NF1: variants seen among roughly 807,000 people sequenced by gnomAD.
NF1 encodes neurofibromin.
Under a neutral mutation model 325.7 loss-of-function variants are expected in NF1, and 122 were observed. The ratio of observed to expected loss-of-function variants is 0.37; its 90% CI spans 0.32 to 0.44. The LOEUF is 0.44. Ranked by LOEUF, NF1 falls within the 20% of genes least tolerant of loss-of-function variation. NF1 has a pLI of 1.00. For missense variants in NF1, 2,140 were observed against 3,415.4 expected (o/e 0.63, Z 9.31); for synonymous variants, 1,091 against 1,186.0 (o/e 0.92, Z 1.65).
intron 36 of NF1, among the ~76,000 whole-genome samples, chr17:31,269,665 A>G (rs1400307159): frequency 6.6e-6 from 1 of 152,032 alleles, no homozygotes; most frequent in Non-Finnish European, 1.5e-5. Context: ...TCTTAACTCT[A>G]CTTTCTTTGT....
rs17881462 is a variant in NF1, at chr17:31,327,120, C to T, written c.5269-379C>T. ...AGTAGCTGGGATTATAGGCGCCCAC[C>T]GCCACGGCAGGCTAGTTTTTGTAGG... On this transcript the variant is annotated intron_variant, in intron 37 of 57. Coordinates refer to ENST00000358273, the MANE Select transcript of NF1 (RefSeq NM_001042492.3). 7.9e-3 allele frequency among the ~76,000 whole-genome samples: 1,194 copies of T among 152,014 alleles called. 21 individuals are homozygous for T. The highest frequency in any genetic ancestry group is 0.028 in the African/African-American group (1,142 of 41,436).
At chr17:31,320,566 A>G (rs1467841414) in intron 36 of NF1, 23 of 692,558 alleles carry the variant, frequency 3.3e-5, no homozygotes, top group African/African-American at 5.4e-5. Context: ...GAGTTATGCA[A>G]ACAAAAGTAG....
At chr17:31,344,215 C>G (rs1449800846) in intron 48 of NF1, among the ~76,000 whole-genome samples, 1 of 152,160 alleles carries the variant, frequency 6.6e-6, no homozygotes, top group Admixed American at 6.5e-5. Context: ...TTCTGGCACC[C>G]TATTCTCACC....
rs556902245 is a variant in NF1 at position 31,197,827 on chromosome 17, C to A, written c.889-2595C>A. On this transcript the variant is annotated intron_variant, in intron 8 of 57. Transcript: ENST00000358273. ...TGCCTACTTGCTCTGTCCGGAATTTCTAGTATTATGCCAAATAGAAGAAGA... is the reference window on the plus strand; with the variant it reads ...TGCCTACTTGCTCTGTCCGGAATTTATAGTATTATGCCAAATAGAAGAAGA... Among the ~76,000 whole-genome samples the A allele has an allele frequency of 4.6e-5, 7 of 152,294 alleles. No individual in the cohort carries two copies. In the South Asian group the frequency reaches 6.2e-4, roughly 14 times the overall value.
intron 8 of NF1, among the ~76,000 whole-genome samples, chr17:31,185,186 C>A (rs764704831): frequency 4.2e-4 from 64 of 152,164 alleles, no homozygotes; most frequent in Non-Finnish European, 8.4e-4. Context: ...TCAGAAGCCA[C>A]CCCCAACACC....
chr17:31,335,296 A>ATATATATATAT (rs1440930498), intron 40 of NF1, among the ~76,000 whole-genome samples: 2 of 50,094 alleles, frequency 4.0e-5, no homozygotes, highest in African/African-American at 1.4e-4. Context: ...ATATATATAT[A>ATATATATATAT]ATTATGCCTT....
chr17:31,336,428 T>C lies in NF1; in HGVS notation c.6102T>C (p.Thr2034=), dbSNP rs1597842306. The change falls in exon 41 of 58, where the codon ACT becomes ACC. Residue 2034 remains threonine (T), a synonymous_variant. Coordinates refer to ENST00000358273, the MANE Select transcript of NF1 (RefSeq NM_001042492.3). This position sits in a 1 kb window ranked among gnomAD's most constrained non-coding sequence, Gnocchi z 5.5. ...GSIKAEVMAD[T]AVALASGNVK... is the part of the protein sequence containing the mutation. ...TAAAAGCTGAGGTGATGGCAGATACTGCTGTAGCTTTGGCTTCTGGAAATG... is the reference window on the plus strand; with the variant it reads ...TAAAAGCTGAGGTGATGGCAGATACCGCTGTAGCTTTGGCTTCTGGAAATG... 1 of 1,614,182 alleles carries C rather than the reference T, an allele frequency of 6.2e-7. No individual in the cohort carries two copies. The highest frequency in any genetic ancestry group is 8.5e-7 in the Non-Finnish European group (1 of 1,180,028).
chr17:31,123,318 TTA>T (rs1455415339), intron 1 of NF1, among the ~76,000 whole-genome samples: 2 of 152,216 alleles, frequency 1.3e-5, no homozygotes, highest in African/African-American at 4.8e-5. Context: ...ACAACCATAT[TTA>T]TATATATGGT....
At position 31,206,222 on chromosome 17, in the gene NF1, G is replaced by A. The variant is rs2143913110; in HGVS notation, c.1261-18G>A. 5.0e-6 allele frequency: 8 copies of A among 1,613,266 alleles called. No individual in the cohort carries two copies. The highest frequency in any genetic ancestry group is 6.8e-6 in the Non-Finnish European group (8 of 1,179,392). On this transcript the variant is annotated intron_variant, in intron 11 of 57. Coordinates refer to ENST00000358273, the MANE Select transcript of NF1 (RefSeq NM_001042492.3). ...AATTTTGTACTTTTTCTTCCTATTG[G>A]TCTTTGTTTTTCTCTAGTCCGCATT...
intron 1 of NF1, 75 bp from the exon 2 acceptor site, chr17:31,155,908 C>G (rs2143623518): frequency 6.5e-7 from 1 of 1,530,102 alleles, no homozygotes; most frequent in Non-Finnish European, 8.9e-7. Context: ...TCATGATTTT[C>G]AATGGCAAGT....
intron 5 of NF1, among the ~76,000 whole-genome samples, chr17:31,171,042 G>A (rs530911823): frequency 2.6e-5 from 4 of 152,170 alleles, no homozygotes; most frequent in Admixed American, 2.6e-4. Context: ...ACGTGTTTTT[G>A]TTTTCTTAAT....
chr17:31,114,820 C>T (rs192515613), intron 1 of NF1, among the ~76,000 whole-genome samples: 1 of 152,282 alleles, frequency 6.6e-6, no homozygotes, highest in Admixed American at 6.5e-5. Flanking sequence ...CACCACTGCA[C>T]TCCAGCCTGG....
intron 36 of NF1, among the ~76,000 whole-genome samples, chr17:31,278,829 G>C (rs918949296): frequency 6.6e-6 from 1 of 151,934 alleles, no homozygotes; most frequent in Admixed American, 6.6e-5. Flanking sequence ...TGGCCAGGCT[G>C]GTCTGGAACT....
Position 31,327,562 on chromosome 17 carries a change from T to C in NF1, c.5332T>C (p.Phe1778Leu). 1 of 1,614,214 alleles carries C rather than the reference T, an allele frequency of 6.2e-7. No homozygotes were observed. The highest frequency in any genetic ancestry group is 8.5e-7 in the Non-Finnish European group (1 of 1,180,040). The change falls in exon 38 of 58, where the codon TTT becomes CTT. Residue 1778 changes from phenylalanine to leucine, a missense_variant. Physicochemically the swap from Phe to Leu is conservative, Grantham distance 22. Coordinates refer to ENST00000358273, the MANE Select transcript of NF1 (RefSeq NM_001042492.3). ...ERTKVLGQSV[F>L]LNDIYYASEI... ...AACAAAAGTCCTAGGGCAATCAGTC[T>C]TTCTAAATGACATTTATTATGCTTC...
At chr17:31,182,978 A>G in intron 8 of NF1, 1 of 574,640 alleles carries the variant, frequency 1.7e-6, no homozygotes, top group South Asian at 2.5e-5. Context: ...CACTACAAGG[A>G]TTGCCCTACT....
chr17:31,127,936 A>G (rs995968958), intron 1 of NF1, among the ~76,000 whole-genome samples: 13 of 151,502 alleles, frequency 8.6e-5, no homozygotes, highest in Admixed American at 1.3e-4. Flanking sequence ...TTTTTTGTAC[A>G]TTGACCTCTT....
At chr17:31,107,067 C>T (rs1264500076) in intron 1 of NF1, among the ~76,000 whole-genome samples, 1 of 151,974 alleles carries the variant, frequency 6.6e-6, no homozygotes, top group African/African-American at 2.4e-5. Context: ...TTCAGTTTTT[C>T]TTTTTCCCTA....
intron 37 of NF1, among the ~76,000 whole-genome samples, chr17:31,326,637 G>A (rs1286239939): frequency 6.6e-6 from 1 of 151,968 alleles, no homozygotes; most frequent in Non-Finnish European, 1.5e-5. Context: ...ACAGAGGGAC[G>A]CTCTGTCTCA....
Position 31,095,043 on chromosome 17 carries a change from G to A in NF1, c.-267G>A. ...GCTGTGGGGAGACGGCGCTAGTGGG[G>A]AGAGCGACCAAGAGGCCCCCTCCCC... On this transcript the variant is annotated 5_prime_UTR_variant, in exon 1 of 58. Coordinates refer to ENST00000358273, the MANE Select transcript of NF1 (RefSeq NM_001042492.3). The A allele has an allele frequency of 1.7e-6, 1 of 586,444 alleles. No individual in the cohort carries two copies. The highest frequency in any genetic ancestry group is 3.0e-6 in the Non-Finnish European group (1 of 328,402). 36.3% of individuals were successfully genotyped at this position (586,444 alleles called of 1,614,324 possible). A position where few individuals can be genotyped will look rare whatever the true frequency, so the allele number is the denominator to read the frequency against.
Sources: gnomAD v4.1 joint callset for allele counts (sites outside exome capture counted in the v4.1 genomes callset) on GRCh38, gnomAD v4.1.1 for gene constraint, Gnocchi (gnomAD v3.1) non-coding constraint, MANE v1.5 for transcripts, NCBI Gene and HGNC (gene_info 2026-07-23, HGNC 2026-07-21) for gene names.